The following ELAVL2 variants were observed in gnomAD, a reference collection of about 807,000 sequenced individuals.
ELAVL2 encodes ELAV like RNA binding protein 2.
Under a neutral mutation model 34.6 loss-of-function variants are expected in ELAVL2, and 4 were observed. The ratio of observed to expected loss-of-function variants is 0.12; its 90% CI spans 0.06 to 0.26. The LOEUF (loss-of-function observed/expected upper bound fraction) is 0.26. Among genes scored for constraint, ELAVL2 ranks in the 10% least tolerant of loss-of-function variants. The probability of loss-of-function intolerance (pLI) is 1.00; values close to 1 mark genes in which losing one functional copy is unlikely to be tolerated. For synonymous variants in ELAVL2, 193 were observed against 154.8 expected, an observed-to-expected ratio of 1.25 and a Z score of -1.83; for missense variants, 432 against 442.8, an observed-to-expected ratio of 0.98 and a Z score of 0.22.
At position 23,701,693 on chromosome 9, in the gene ELAVL2, C is replaced by G; in HGVS notation, c.488-89G>C. ...AAAGGACACATTAATTTTTCCTTCT[C>G]AAGAACATGTTTTCACCTACATATA... is the stretch of plus-strand genomic sequence containing the variant. On this transcript the variant is annotated intron_variant, in intron 4 of 6. Transcript: ENST00000397312. 6.5e-6 allele frequency: 9 copies of G among 1,385,118 alleles called. No individual in the cohort carries two copies. In the South Asian group the frequency reaches 1.2e-4, roughly 18 times the overall value. The allele number at this position is 1,385,118 out of a possible 1,614,324, so 85.8% of individuals were successfully genotyped here.
intron 1 of ELAVL2, chr9:23,779,447 A>C (rs1239397079): frequency 1.0e-6 from 1 of 982,354 alleles, no homozygotes; most frequent in Non-Finnish European, 1.2e-6. Flanking sequence ...AGGGAATATG[A>C]AAGCTAGAGA....
chr9:23,773,453 T>C (rs1219220055), intron 1 of ELAVL2, among the ~76,000 whole-genome samples: 3 of 152,126 alleles, frequency 2.0e-5, no homozygotes, highest in Non-Finnish European at 4.4e-5. Flanking sequence ...TTAGTATCAT[T>C]CAAGTAAAGC....
intron 1 of ELAVL2, among the ~76,000 whole-genome samples, chr9:23,809,941 G>C (rs1283515517): frequency 6.6e-6 from 1 of 152,036 alleles, no homozygotes; most frequent in Non-Finnish European, 1.5e-5. Flanking sequence ...TTCCAATTTG[G>C]ATATCAAACA....
intron 5 of ELAVL2, among the ~76,000 whole-genome samples, chr9:23,697,933 TCTTACTGC>T (rs375309174): frequency 3.6e-4 from 54 of 152,050 alleles, no homozygotes; most frequent in African/African-American, 1.3e-3. Flanking sequence ...AAGATCATCT[TCTTACTGC>T]CTTACTGCCT....
chr9:23,718,091 T>C (rs1175117392), intron 3 of ELAVL2, among the ~76,000 whole-genome samples: 1 of 152,174 alleles, frequency 6.6e-6, no homozygotes. Context: ...TATGGTTCCA[T>C]ATAATATAAT....
chr9:23,768,494 AAC>A (rs1292011294), intron 1 of ELAVL2, among the ~76,000 whole-genome samples: 4 of 152,042 alleles, frequency 2.6e-5, no homozygotes, highest in Non-Finnish European at 4.4e-5. Context: ...ATAAATTGGA[AAC>A]ACAAATAATC....
At chr9:23,728,257 G>A (rs2045727079) in intron 3 of ELAVL2, among the ~76,000 whole-genome samples, 1 of 152,118 alleles carries the variant, frequency 6.6e-6, no homozygotes, top group African/African-American at 2.4e-5. Flanking sequence ...GGGGAACTCA[G>A]CAGGAGCTGG....
chr9:23,833,967 C>T, the ELAVL2 span, among the ~76,000 whole-genome samples: 1 of 151,908 alleles, frequency 6.6e-6, no homozygotes, highest in African/African-American at 2.4e-5. Context: ...GTGAAATGAG[C>T]AATACATAAT....
At chr9:23,774,733 T>A (rs1457815634) in intron 1 of ELAVL2, among the ~76,000 whole-genome samples, 2 of 148,370 alleles carry the variant, frequency 1.3e-5, no homozygotes, top group South Asian at 4.3e-4. Context: ...GGAATTTTAA[T>A]AAGATTAGAA....
At chr9:23,775,613 A>G (rs959016440) in intron 1 of ELAVL2, among the ~76,000 whole-genome samples, 3 of 151,936 alleles carry the variant, frequency 2.0e-5, no homozygotes, top group Admixed American at 6.6e-5. Context: ...CTCCACTACT[A>G]TCTCTTTTAA....
intron 1 of ELAVL2, among the ~76,000 whole-genome samples, chr9:23,780,672 AAC>A (rs370454859): frequency 1.1e-4 from 17 of 152,342 alleles, no homozygotes; most frequent in African/African-American, 4.1e-4. Flanking sequence ...GATCATGTGT[AAC>A]ACACAGCAGC....
At chr9:23,708,565 C>A (rs559088471) in intron 3 of ELAVL2, among the ~76,000 whole-genome samples, 8 of 152,330 alleles carry the variant, frequency 5.3e-5, no homozygotes, top group African/African-American at 1.9e-4. Context: ...TGAATCCTGG[C>A]TGTTTCTTAA....
At chr9:23,834,202 T>TGTCTG in the ELAVL2 span, among the ~76,000 whole-genome samples, 1 of 152,056 alleles carries the variant, frequency 6.6e-6, no homozygotes, top group African/African-American at 2.4e-5. Flanking sequence ...ATTCACAATG[T>TGTCTG]GTCTGGTTTA....
chr9:23,770,033 T>C (rs933614420), intron 1 of ELAVL2, among the ~76,000 whole-genome samples: 1 of 152,216 alleles, frequency 6.6e-6, no homozygotes, highest in African/African-American at 2.4e-5. Context: ...GTTTCATGTT[T>C]TGTTCATTCA....
chr9:23,808,616 G>T (rs1174908869), intron 1 of ELAVL2, among the ~76,000 whole-genome samples: 1 of 152,104 alleles, frequency 6.6e-6, no homozygotes, highest in Non-Finnish European at 1.5e-5. Context: ...TAAATGCTAG[G>T]AAAAGAGAGA....
At chr9:23,809,739 T>C (rs115236979) in intron 1 of ELAVL2, among the ~76,000 whole-genome samples, 2,287 of 152,250 alleles carry the variant, frequency 0.015, 47 homozygotes, top group African/African-American at 0.051. Context: ...GATCAAGTAA[T>C]GAAAAAGAGC....
In ELAVL2 at chr9:23,815,800, T is replaced by G. The variant is rs561720961; in HGVS notation, c.-16+10006A>C. Among the ~76,000 whole-genome samples the G allele has an allele frequency of 1.8e-4, 26 of 146,232 alleles. No individual in the cohort carries two copies. In the South Asian group the frequency reaches 5.4e-3, roughly 30 times the overall value. ...AAGTGACAAAACCTACTGAGACAAC[T>G]CAGCAAATTGGCCGCACGGGCACGG... On this transcript the variant is annotated intron_variant, in intron 1 of 6. Coordinates refer to ENST00000397312, the MANE Select transcript of ELAVL2 (RefSeq NM_004432.5).
At chr9:23,706,550 C>G (rs1296433314) in intron 3 of ELAVL2, among the ~76,000 whole-genome samples, 1 of 152,140 alleles carries the variant, frequency 6.6e-6, no homozygotes, top group African/African-American at 2.4e-5. Context: ...TATTCCTGAT[C>G]GCATTCCCTT....
In ELAVL2 at chr9:23,754,517, G is replaced by C. The variant is rs555074745; in HGVS notation, c.229+7489C>G. On this transcript the variant is annotated intron_variant, in intron 2 of 6. Coordinates refer to ENST00000397312, the MANE Select transcript of ELAVL2 (RefSeq NM_004432.5). ...ACACAGGCTGAAATGCAAGTGCGGT[G>C]GCACGATCTCAGTTCACTGCAACCT... Among the ~76,000 whole-genome samples, 45 of 152,022 alleles carry C rather than the reference G, an allele frequency of 3.0e-4. No individual in the cohort carries two copies. In the South Asian group the frequency reaches 8.9e-3, roughly 30 times the overall value.
Sources: gnomAD v4.1 joint callset for allele counts (sites outside exome capture counted in the v4.1 genomes callset) on GRCh38, gnomAD v4.1.1 for gene constraint, MANE v1.5 for transcripts, NCBI Gene and HGNC (gene_info 2026-07-23, HGNC 2026-07-21) for gene names.